COL4A2: variants seen among roughly 807,000 people sequenced by gnomAD.
COL4A2 encodes the protein collagen type IV alpha 2 chain, also known as collagen alpha-2(IV) chain.
In COL4A2, 99 loss-of-function variants were observed where a neutral mutation model predicts 200.2. That is an observed-to-expected ratio of 0.49 (90% CI 0.42 to 0.58). The LOEUF (loss-of-function observed/expected upper bound fraction) is 0.58, where lower values mean the gene tolerates loss of function less well. Among genes scored for constraint, COL4A2 ranks in the 20% least tolerant of loss-of-function variants. The pLI, the probability that COL4A2 is intolerant of heterozygous loss-of-function variation, is 0.00. For missense variants in COL4A2, 1,950 were observed against 2,314.1 expected, an observed-to-expected ratio of 0.84 and a Z score of 3.23; for synonymous variants, 897 against 900.6, an observed-to-expected ratio of 1.00 and a Z score of 0.07.
chr13:110,385,476 A>ACAGTGTGTGGATAGACCGTGGCTG (rs1878663067), intron 4 of COL4A2, among the ~76,000 whole-genome samples: 2 of 136,904 alleles, frequency 1.5e-5, no homozygotes, highest in Non-Finnish European at 3.1e-5. Flanking sequence ...GGCCGTGGTT[A>ACAGTGTGTGGATAGACCGTGGCTG]CAGTGTGTGG....
chr13:110,362,329 A>G (rs976884939), intron 4 of COL4A2, among the ~76,000 whole-genome samples: 1 of 152,100 alleles, frequency 6.6e-6, no homozygotes, highest in Non-Finnish European at 1.5e-5. Flanking sequence ...TCTCAGATTT[A>G]CCCCTCCACT....
At chr13:110,465,306 A>G (rs763927675) in intron 24 of COL4A2, 99 bp from the exon 25 acceptor site, 122 of 1,426,594 alleles carry the variant, frequency 8.6e-5, no homozygotes, top group Non-Finnish European at 1.1e-4. Context: ...TTCTGGATCC[A>G]TAGCTCAGAA....
chr13:110,477,399 A>C (rs1882742761), intron 29 of COL4A2, among the ~76,000 whole-genome samples: 1 of 152,254 alleles, frequency 6.6e-6, no homozygotes, highest in Non-Finnish European at 1.5e-5. Context: ...ATGGGTTTAG[A>C]CTTTCTGAAT....
intron 17 of COL4A2, among the ~76,000 whole-genome samples, chr13:110,446,247 C>A (rs1266756478): frequency 6.6e-6 from 1 of 152,100 alleles, no homozygotes. Context: ...GAGGGGAGAC[C>A]ATTAGGTGGA....
intron 4 of COL4A2, among the ~76,000 whole-genome samples, chr13:110,372,755 T>G (rs576618994): frequency 6.6e-6 from 1 of 152,380 alleles, no homozygotes; most frequent in South Asian, 2.1e-4. Flanking sequence ...TTTTAAAAGC[T>G]TCATATGAAA....
intron 4 of COL4A2, 93 bp from the exon 5 acceptor site, chr13:110,424,641 A>AAAAAC (rs1594206447): frequency 1.3e-5 from 6 of 457,918 alleles, no homozygotes; most frequent in East Asian, 4.7e-5. Context: ...CTTTAAAAAC[A>AAAAAC]AAAAAAAAAA....
chr13:110,504,121 C>T (rs753994312), intron 44 of COL4A2, 27 bp from the exon 45 acceptor site: 2 of 1,608,674 alleles, frequency 1.2e-6, no homozygotes, highest in East Asian at 2.2e-5. Flanking sequence ...CAGTTTCCAG[C>T]CATAACGCTT....
At chr13:110,383,902 G>C (rs1312215043) in intron 4 of COL4A2, among the ~76,000 whole-genome samples, 3 of 152,082 alleles carry the variant, frequency 2.0e-5, no homozygotes, top group Non-Finnish European at 2.9e-5. Context: ...ATGAGCCACT[G>C]CGCCTGGCTG....
At chr13:110,339,577 A>G (rs531934217) in intron 3 of COL4A2, among the ~76,000 whole-genome samples, 1 of 152,174 alleles carries the variant, frequency 6.6e-6, no homozygotes, top group Non-Finnish European at 1.5e-5. Flanking sequence ...AGCCTCAGAT[A>G]TAGGGGAAAA....
intron 4 of COL4A2, among the ~76,000 whole-genome samples, chr13:110,397,873 G>A (rs996897820): frequency 4.6e-4 from 70 of 152,192 alleles, no homozygotes; most frequent in Admixed American, 2.3e-3. Context: ...CCAACAGAAA[G>A]AGTCACAAAC....
chr13:110,507,696 C>T, intron 46 of COL4A2: 1 of 583,770 alleles, frequency 1.7e-6, no homozygotes, highest in Non-Finnish European at 3.1e-6. Flanking sequence ...CCAACTTGGC[C>T]CAGTATGTGT....
chr13:110,440,596 T>C (rs1881082593), intron 16 of COL4A2, among the ~76,000 whole-genome samples: 1 of 152,098 alleles, frequency 6.6e-6, no homozygotes, highest in Non-Finnish European at 1.5e-5. Context: ...AACTCCATCA[T>C]AAAATAATAA....
At chr13:110,397,072 A>C (rs1879205865) in intron 4 of COL4A2, among the ~76,000 whole-genome samples, 1 of 152,222 alleles carries the variant, frequency 6.6e-6, no homozygotes, top group Non-Finnish European at 1.5e-5. Flanking sequence ...ACGTTGCTCA[A>C]GGCCCGAGCA....
Position 110,309,509 on chromosome 13 carries a change from C to G in COL4A2, c.99+1386C>G, listed in dbSNP as rs1379424032. On this transcript the variant is annotated intron_variant, in intron 3 of 47. Transcript: ENST00000360467. ...ACGCACACTCAAAGAAGGGGGCGAT[C>G]CCTAGAAAATACCACATCGGGCTGT... Among the ~76,000 whole-genome samples the G allele has an allele frequency of 2.6e-5, 4 of 152,278 alleles. No individual in the cohort carries two copies. In the East Asian group the frequency reaches 7.7e-4, roughly 29 times the overall value.
At position 110,418,264 on chromosome 13, in the gene COL4A2, C is replaced by T. The variant is rs544222398; in HGVS notation, c.181-6470C>T. Among the ~76,000 whole-genome samples, 17 of 152,254 alleles carry T rather than the reference C, an allele frequency of 1.1e-4. No homozygotes were observed. In the East Asian group the frequency reaches 1.5e-3, roughly 14 times the overall value. ...AGTTTTGAGAGTTCTTTATATGTTCCGGAAGAAGTTGTTTATCAGATATGT... is the reference window on the plus strand; with the variant it reads ...AGTTTTGAGAGTTCTTTATATGTTCTGGAAGAAGTTGTTTATCAGATATGT... On this transcript the variant is annotated intron_variant, in intron 4 of 47. Coordinates refer to ENST00000360467, the MANE Select transcript of COL4A2 (RefSeq NM_001846.4).
At chr13:110,356,479 A>G (rs1484615504) in intron 3 of COL4A2, among the ~76,000 whole-genome samples, 1 of 152,120 alleles carries the variant, frequency 6.6e-6, no homozygotes, top group Non-Finnish European at 1.5e-5. Flanking sequence ...TTTGATCACC[A>G]TGATGGGTGT....
At chr13:110,398,761 C>T (rs907256378) in intron 4 of COL4A2, among the ~76,000 whole-genome samples, 1 of 151,998 alleles carries the variant, frequency 6.6e-6, no homozygotes, top group African/African-American at 2.4e-5. Context: ...ACAAAAAGCA[C>T]AGTCAGCATT....
In COL4A2 at chr13:110,495,389, A is replaced by G. The variant is rs1337048689; in HGVS notation, c.3682A>G (p.Arg1228Gly). 3.1e-6 allele frequency: 5 copies of G among 1,613,886 alleles called. No individual in the cohort carries two copies. In the African/African-American group the frequency reaches 5.3e-5, roughly 17 times the overall value. ...AGGCTTCCCAGGCCCTCCTGGGGAAAGAGGTGACCCAGGAGAGGCCAACAC... is the reference window on the plus strand; with the variant it reads ...AGGCTTCCCAGGCCCTCCTGGGGAAGGAGGTGACCCAGGAGAGGCCAACAC... Reference protein sequence around the residue: ...DPGFPGPPGERGDPGEANTLP... With the variant: ...DPGFPGPPGEGGDPGEANTLP... Residue 1228 changes from arginine to glycine, a missense_variant, in exon 40 of 48, where the codon AGA (arginine) becomes GGA (glycine). Coordinates refer to ENST00000360467, the MANE Select transcript of COL4A2 (RefSeq NM_001846.4).
At chr13:110,342,299 C>T (rs899481135) in intron 3 of COL4A2, among the ~76,000 whole-genome samples, 1 of 152,176 alleles carries the variant, frequency 6.6e-6, no homozygotes, top group Non-Finnish European at 1.5e-5. Context: ...TCAAGTAAGA[C>T]CCTTTTAAGG....
Sources: allele counts gnomAD v4.1 joint callset (sites outside exome capture counted in the v4.1 genomes callset), GRCh38; gene constraint gnomAD v4.1.1; transcripts MANE v1.5; gene names NCBI Gene and HGNC (gene_info 2026-07-23, HGNC 2026-07-21).